SLC9D1: variants seen among roughly 807,000 people sequenced by gnomAD.
SLC9D1 encodes putative LAG1-interacting protein.
At chr13:113,498,441 G>A in the SLC9D1 span, 2 of 1,587,494 alleles carry the variant, frequency 1.3e-6, no homozygotes, top group Admixed American at 1.9e-5. Context: ...CATGCTTGAC[G>A]AGATTCTTGA....
chr13:113,491,911 ATTTACCGGCT>A, the SLC9D1 span, among the ~76,000 whole-genome samples: 1 of 152,182 alleles, frequency 6.6e-6, no homozygotes, highest in South Asian at 2.1e-4. Context: ...AATTTATCTT[ATTTACCGGCT>A]TTTTCAAAAG....
At chr13:113,546,063 G>A in the SLC9D1 span, among the ~76,000 whole-genome samples, 1 of 152,124 alleles carries the variant, frequency 6.6e-6, no homozygotes, top group Non-Finnish European at 1.5e-5. The surrounding 1 kb of genome is among the most constrained non-coding windows in gnomAD (Gnocchi z 7.1). Flanking sequence ...CTGTGTGGCC[G>A]CGATGTGAGG....
At chr13:113,548,204 C>T in the SLC9D1 span, 80 of 1,374,946 alleles carry the variant, frequency 5.8e-5, no homozygotes, top group African/African-American at 3.2e-4. Flanking sequence ...CAGGGACCAT[C>T]GCAGCGTGCC....
chr13:113,520,944 C>T, the SLC9D1 span, among the ~76,000 whole-genome samples: 2 of 152,194 alleles, frequency 1.3e-5, no homozygotes, highest in Non-Finnish European at 2.9e-5. Flanking sequence ...CACAGTTCCT[C>T]AGTCCTGTCT....
At chr13:113,517,337 A>T in the SLC9D1 span, among the ~76,000 whole-genome samples, 1 of 152,136 alleles carries the variant, frequency 6.6e-6, no homozygotes, top group Non-Finnish European at 1.5e-5. Flanking sequence ...GGTTCACGCC[A>T]TTCTCCTGCC....
the SLC9D1 span, among the ~76,000 whole-genome samples, chr13:113,496,747 T>C: frequency 6.6e-6 from 1 of 152,162 alleles, no homozygotes; most frequent in African/African-American, 2.4e-5. Context: ...TACCAAAATA[T>C]ATTTTGGGGG....
the SLC9D1 span, chr13:113,501,899 T>A: frequency 6.3e-7 from 1 of 1,590,878 alleles, no homozygotes; most frequent in Non-Finnish European, 8.6e-7. Context: ...AAAATTGGAT[T>A]GTTTTGGTAT....
the SLC9D1 span, chr13:113,514,567 G>A: frequency 7.6e-6 from 1 of 130,736 alleles, no homozygotes; most frequent in Non-Finnish European, 1.6e-5. Context: ...AGTATTTGGG[G>A]TGCAGGCTGA....
chr13:113,547,641 G>A, the SLC9D1 span, among the ~76,000 whole-genome samples: 1 of 152,196 alleles, frequency 6.6e-6, no homozygotes, highest in African/African-American at 2.4e-5. Context: ...CCCTCAGGAC[G>A]GGCCTTGGCT....
chr13:113,522,790 C>T, the SLC9D1 span, among the ~76,000 whole-genome samples: 3 of 152,152 alleles, frequency 2.0e-5, no homozygotes, highest in Non-Finnish European at 2.9e-5. Context: ...CACCACCACG[C>T]CCAGCTAATT....
At chr13:113,532,207 G>C in the SLC9D1 span, among the ~76,000 whole-genome samples, 1 of 152,240 alleles carries the variant, frequency 6.6e-6, no homozygotes. Flanking sequence ...ATGAATGAAT[G>C]ATGCACAAAT....
At chr13:113,496,053 A>T in the SLC9D1 span, 1 of 1,467,278 alleles carries the variant, frequency 6.8e-7, no homozygotes, top group Non-Finnish European at 9.3e-7. Flanking sequence ...AGAGAGAGAG[A>T]GAGGGAGAGG....
chr13:113,521,195 T>C, the SLC9D1 span, among the ~76,000 whole-genome samples: 1 of 150,928 alleles, frequency 6.6e-6, no homozygotes, highest in Non-Finnish European at 1.5e-5. Context: ...TGTATCTGCA[T>C]GTATGTGTGG....
the SLC9D1 span, chr13:113,536,548 C>T: frequency 1.0e-6 from 1 of 984,596 alleles, no homozygotes; most frequent in South Asian, 4.7e-5. Context: ...AAATAACTCC[C>T]AGCAGAATTG....
At chr13:113,536,357 C>T in the SLC9D1 span, among the ~76,000 whole-genome samples, 1 of 151,610 alleles carries the variant, frequency 6.6e-6, no homozygotes, top group Non-Finnish European at 1.5e-5. Flanking sequence ...AAAAAAGTTT[C>T]CATTTAAAAA....
the SLC9D1 span, among the ~76,000 whole-genome samples, chr13:113,512,580 C>T: frequency 6.7e-6 from 1 of 149,688 alleles, no homozygotes; most frequent in East Asian, 2.0e-4. Context: ...GGTGCTGGAA[C>T]TGGAAGGGGG....
At chr13:113,496,224 T>A in the SLC9D1 span, among the ~76,000 whole-genome samples, 2 of 152,224 alleles carry the variant, frequency 1.3e-5, no homozygotes, top group Admixed American at 6.5e-5. Context: ...AAATCTCTCA[T>A]GTGAGGGAGA....
the SLC9D1 span, among the ~76,000 whole-genome samples, chr13:113,515,198 C>A: frequency 6.6e-6 from 1 of 152,166 alleles, no homozygotes; most frequent in African/African-American, 2.4e-5. Flanking sequence ...TTCAAAACAG[C>A]ATTATTTTTA....
the SLC9D1 span, among the ~76,000 whole-genome samples, chr13:113,526,290 G>A: frequency 6.6e-6 from 1 of 152,228 alleles, no homozygotes; most frequent in African/African-American, 2.4e-5. Flanking sequence ...AATATTTTTT[G>A]TACAGCCATA....
Sources: gnomAD v4.1 joint callset for allele counts (sites outside exome capture counted in the v4.1 genomes callset) on GRCh38, gnomAD v4.1.1 for gene constraint, Gnocchi (gnomAD v3.1) non-coding constraint, MANE v1.5 for transcripts, NCBI Gene and HGNC (gene_info 2026-07-23, HGNC 2026-07-21) for gene names.